Variants in EFL1 observed in about 807,000 individuals in gnomAD.
EFL1 encodes the protein elongation factor-like GTPase 1.
In EFL1, 76 loss-of-function variants were observed where a neutral mutation model predicts 126.7. The observed-to-expected ratio is 0.60, with a 90% CI of 0.50 to 0.73. EFL1 has a LOEUF of 0.73. EFL1 is among the 30% of genes least tolerant of loss of function. The probability of loss-of-function intolerance (pLI) is 0.00; values close to 1 mark genes in which losing one functional copy is unlikely to be tolerated. For synonymous variants in EFL1, 410 were observed against 448.4 expected, an observed-to-expected ratio of 0.91 and a Z score of 1.08; for missense variants, 1,128 against 1,343.2, an observed-to-expected ratio of 0.84 and a Z score of 2.50.
intron 15 of EFL1, among the ~76,000 whole-genome samples, chr15:82,182,649 C>T (rs761764994): frequency 5.9e-5 from 9 of 151,970 alleles, no homozygotes; most frequent in African/African-American, 2.2e-4. Context: ...CGGTGAAACC[C>T]CATCTCTACT....
intron 18 of EFL1, among the ~76,000 whole-genome samples, chr15:82,149,764 T>C (rs1476400003): frequency 6.6e-6 from 1 of 152,086 alleles, no homozygotes; most frequent in African/African-American, 2.4e-5. Flanking sequence ...AGATGAATGG[T>C]GGTACAGATG....
At chr15:82,151,206 G>A (rs767547977) in intron 18 of EFL1, among the ~76,000 whole-genome samples, 4 of 152,114 alleles carry the variant, frequency 2.6e-5, no homozygotes, top group Non-Finnish European at 5.9e-5. Context: ...GCAACGTTGC[G>A]AAACTCAGTC....
At position 82,152,342 on chromosome 15, in the gene EFL1, C is replaced by T; in HGVS notation, c.2112G>A (p.Met704Ile). The T allele has an allele frequency of 1.2e-6, 2 of 1,613,818 alleles. No homozygotes were observed. The highest frequency in any genetic ancestry group is 1.7e-6 in the Non-Finnish European group (2 of 1,180,008). Residue 704 changes from methionine to isoleucine, a missense_variant, in exon 18 of 20, where the codon ATG becomes ATA. Coordinates refer to ENST00000268206, the MANE Select transcript of EFL1 (RefSeq NM_024580.6). ...ETITKPPKVD[M>I]VNEEIGKQQK... is the part of the protein sequence containing the mutation. ...GCTGTTTGCCTATTTCTTCATTGAC[C>T]ATGTCAACTTTTGGGGGTTTTGTGA... is the stretch of plus-strand genomic sequence containing the variant.
At chr15:82,172,339 G>A (rs1248006073) in intron 15 of EFL1, among the ~76,000 whole-genome samples, 1 of 152,198 alleles carries the variant, frequency 6.6e-6, no homozygotes, top group Non-Finnish European at 1.5e-5. Context: ...CCAGAGCAGT[G>A]TTGAGAACAG....
intron 15 of EFL1, among the ~76,000 whole-genome samples, chr15:82,191,682 T>C (rs1049560680): frequency 2.3e-4 from 35 of 151,870 alleles, no homozygotes; most frequent in African/African-American, 7.5e-4. Flanking sequence ...TTACACTCTA[T>C]CCATACATGA....
intron 15 of EFL1, among the ~76,000 whole-genome samples, chr15:82,182,176 G>C (rs1047511215): frequency 6.6e-6 from 1 of 152,188 alleles, no homozygotes; most frequent in Admixed American, 6.5e-5. Flanking sequence ...AGAATCGCTT[G>C]AACCCAGGAG....
chr15:82,218,910 T>C (rs1219017981), intron 14 of EFL1, among the ~76,000 whole-genome samples: 1 of 152,118 alleles, frequency 6.6e-6, no homozygotes, highest in Non-Finnish European at 1.5e-5. Flanking sequence ...ACAGCTTCCC[T>C]GGTTTATCTA....
chr15:82,140,738 G>A lies in EFL1; in HGVS notation c.2990-1896C>T, dbSNP rs188204556. Among the ~76,000 whole-genome samples the A allele has an allele frequency of 3.1e-3, 471 of 152,122 alleles. 4 individuals carry two copies. Among genetic ancestry groups the A allele is most frequent in the African/African-American group, 7.5e-3 (311 of 41,514 alleles). Reference sequence around the variant, plus strand: ...AAGAATATATTATCTACTTCAAAAGGCAATTCCATTCTCCCCATTCCAACT... The same window carrying A: ...AAGAATATATTATCTACTTCAAAAGACAATTCCATTCTCCCCATTCCAACT... On this transcript the variant is annotated intron_variant, in intron 18 of 19. Transcript: ENST00000268206.
chr15:82,182,350 A>G (rs2074260218), intron 15 of EFL1, among the ~76,000 whole-genome samples: 1 of 152,234 alleles, frequency 6.6e-6, no homozygotes, highest in African/African-American at 2.4e-5. Flanking sequence ...TGTGATTGAC[A>G]ATAGGTTTGG....
chr15:82,185,960 C>T (rs1280138098), intron 15 of EFL1, among the ~76,000 whole-genome samples: 2 of 152,164 alleles, frequency 1.3e-5, no homozygotes, highest in Non-Finnish European at 2.9e-5. Flanking sequence ...CTCAGTGAGA[C>T]ATTTAACTAT....
At chr15:82,221,203 C>T (rs978150084) in intron 12 of EFL1, among the ~76,000 whole-genome samples, 5 of 152,162 alleles carry the variant, frequency 3.3e-5, no homozygotes, top group Non-Finnish European at 5.9e-5. Context: ...TGCCTCTCTC[C>T]CGTGTTGTCC....
chr15:82,196,341 G>C (rs1183978004), intron 15 of EFL1, among the ~76,000 whole-genome samples: 1 of 152,180 alleles, frequency 6.6e-6, no homozygotes, highest in African/African-American at 2.4e-5. Context: ...CTCTCTGTGA[G>C]TCTCAGATTA....
chr15:82,176,094 G>T (rs1328880534), intron 15 of EFL1, among the ~76,000 whole-genome samples: 1 of 152,130 alleles, frequency 6.6e-6, no homozygotes, highest in East Asian at 1.9e-4. Context: ...CTGCAGTACA[G>T]TGGGGATGTG....
At chr15:82,212,398 G>T (rs565819109) in intron 15 of EFL1, among the ~76,000 whole-genome samples, 1 of 152,306 alleles carries the variant, frequency 6.6e-6, no homozygotes, top group African/African-American at 2.4e-5. Context: ...GCCCAGCAAG[G>T]TTACATAACT....
intron 18 of EFL1, among the ~76,000 whole-genome samples, chr15:82,141,697 A>C (rs113007687): frequency 6.6e-6 from 1 of 151,804 alleles, no homozygotes; most frequent in African/African-American, 2.4e-5. Flanking sequence ...CAAAAAAAAA[A>C]AAACAAAAAA....
chr15:82,181,644 G>GTGTGTGTA (rs1007312694), intron 15 of EFL1, among the ~76,000 whole-genome samples: 18 of 151,100 alleles, frequency 1.2e-4, no homozygotes, highest in African/African-American at 3.7e-4. Flanking sequence ...GTGTGTGTGT[G>GTGTGTGTA]TATATATATA....
intron 15 of EFL1, among the ~76,000 whole-genome samples, chr15:82,173,196 A>G (rs912002421): frequency 1.3e-5 from 2 of 152,226 alleles, no homozygotes; most frequent in African/African-American, 4.8e-5. Context: ...TCAACATAGA[A>G]AAAAAATCTG....
intron 12 of EFL1, among the ~76,000 whole-genome samples, chr15:82,222,181 CT>C (rs1163268140): frequency 6.6e-6 from 1 of 152,190 alleles, no homozygotes. Flanking sequence ...CTGTTAATCA[CT>C]TTACATATAT....
At chr15:82,212,529 A>G (rs1424171298) in intron 15 of EFL1, among the ~76,000 whole-genome samples, 1 of 152,230 alleles carries the variant, frequency 6.6e-6, no homozygotes, top group African/African-American at 2.4e-5. Context: ...AACAATTACT[A>G]TATGTTTCAA....
Sources: gnomAD v4.1 joint callset for allele counts (sites outside exome capture counted in the v4.1 genomes callset) on GRCh38, gnomAD v4.1.1 for gene constraint, MANE v1.5 for transcripts, NCBI Gene and HGNC (gene_info 2026-07-23, HGNC 2026-07-21) for gene names.